The following CFAP107 variants were observed in gnomAD, a reference collection of about 807,000 sequenced individuals.
CFAP107 encodes cilia- and flagella-associated protein 107.
At chr1:12,748,507 C>T in the CFAP107 span, among the ~76,000 whole-genome samples, 1 of 145,342 alleles carries the variant, frequency 6.9e-6, no homozygotes, top group Non-Finnish European at 1.5e-5. Flanking sequence ...GCAAGATGTA[C>T]ACCAGAAAAG....
At chr1:12,759,249 C>T in the CFAP107 span, 2 of 1,578,190 alleles carry the variant, frequency 1.3e-6, no homozygotes, top group East Asian at 2.2e-5. Context: ...CCTGTCTCCA[C>T]CATGGCCAGG....
At chr1:12,751,843 T>G in the CFAP107 span, among the ~76,000 whole-genome samples, 1 of 152,202 alleles carries the variant, frequency 6.6e-6, no homozygotes, top group South Asian at 2.1e-4. Flanking sequence ...ACAATTGGAA[T>G]ATTTATATAA....
chr1:12,750,900 C>T, the CFAP107 span, among the ~76,000 whole-genome samples: 1 of 151,360 alleles, frequency 6.6e-6, no homozygotes, highest in Non-Finnish European at 1.5e-5. Flanking sequence ...ATATGTTAGA[C>T]TACAAAACAA....
the CFAP107 span, among the ~76,000 whole-genome samples, chr1:12,746,911 C>T: frequency 1.4e-4 from 22 of 152,048 alleles, no homozygotes; most frequent in East Asian, 3.9e-3. Flanking sequence ...TTCCTTTGTA[C>T]CTTAATTTGA....
the CFAP107 span, among the ~76,000 whole-genome samples, chr1:12,757,901 A>G: frequency 6.6e-6 from 1 of 151,924 alleles, no homozygotes. Context: ...CGTATCCCCA[A>G]CCGCCTCCTT....
chr1:12,749,057 T>G, the CFAP107 span, among the ~76,000 whole-genome samples: 1 of 151,990 alleles, frequency 6.6e-6, no homozygotes, highest in African/African-American at 2.4e-5. Context: ...ATACATGCAT[T>G]AAGGGAATTC....
the CFAP107 span, among the ~76,000 whole-genome samples, chr1:12,750,584 A>G: frequency 6.6e-6 from 1 of 152,212 alleles, no homozygotes; most frequent in East Asian, 1.9e-4. Flanking sequence ...TATGGCTAGT[A>G]TCAGACGAAG....
chr1:12,755,536 TC>T, the CFAP107 span, among the ~76,000 whole-genome samples: 2 of 152,172 alleles, frequency 1.3e-5, no homozygotes, highest in South Asian at 4.1e-4. Context: ...GATGGCAGGC[TC>T]CCCGTCCCCG....
At chr1:12,759,734 A>C in the CFAP107 span, 1 of 569,842 alleles carries the variant, frequency 1.8e-6, no homozygotes. Flanking sequence ...GCGGGCTTAG[A>C]GCACAGGTGG....
At chr1:12,759,745 C>T in the CFAP107 span, 1 of 553,070 alleles carries the variant, frequency 1.8e-6, no homozygotes, top group Non-Finnish European at 3.3e-6. Flanking sequence ...GCACAGGTGG[C>T]AGGGAGCAAC....
At chr1:12,746,487 G>A in the CFAP107 span, 1 of 1,613,812 alleles carries the variant, frequency 6.2e-7, no homozygotes, top group South Asian at 1.1e-5. Flanking sequence ...GGCAGATTGA[G>A]ACCAAGTATT....
the CFAP107 span, among the ~76,000 whole-genome samples, chr1:12,748,498 C>T: frequency 6.7e-6 from 1 of 148,888 alleles, no homozygotes; most frequent in African/African-American, 2.5e-5. Flanking sequence ...CAGGTCCAGG[C>T]AAGATGTACA....
At chr1:12,757,040 C>A in the CFAP107 span, among the ~76,000 whole-genome samples, 1 of 152,224 alleles carries the variant, frequency 6.6e-6, no homozygotes, top group Non-Finnish European at 1.5e-5. Context: ...TGCTCTGGGG[C>A]TGCTGAGCTT....
chr1:12,759,447 G>A, the CFAP107 span: 1 of 1,614,188 alleles, frequency 6.2e-7, no homozygotes, highest in South Asian at 1.1e-5. Context: ...ATGGACAGAA[G>A]TTGCTGTGGC....
the CFAP107 span, among the ~76,000 whole-genome samples, chr1:12,747,323 C>G: frequency 2.0e-5 from 3 of 152,272 alleles, no homozygotes; most frequent in African/African-American, 7.2e-5. Flanking sequence ...CCGACCTTGG[C>G]TTCCCCAAGT....
At chr1:12,750,513 A>C in the CFAP107 span, among the ~76,000 whole-genome samples, 2 of 152,198 alleles carry the variant, frequency 1.3e-5, no homozygotes, top group Non-Finnish European at 2.9e-5. Context: ...GTACACATGT[A>C]AGTTGAAAGT....
the CFAP107 span, among the ~76,000 whole-genome samples, chr1:12,749,356 A>AATC: frequency 4.6e-5 from 7 of 152,208 alleles, no homozygotes; most frequent in East Asian, 9.6e-4. Context: ...CTCATGCCTG[A>AATC]ATCTCAGCAC....
At chr1:12,746,207 A>G in the CFAP107 span, 2 of 385,588 alleles carry the variant, frequency 5.2e-6, no homozygotes, top group Admixed American at 3.5e-5. Context: ...GACAGTCAAC[A>G]GTAGAGAATC....
the CFAP107 span, among the ~76,000 whole-genome samples, chr1:12,751,353 G>A: frequency 0.076 from 11,639 of 152,166 alleles, 523 homozygotes; most frequent in African/African-American, 0.13. Context: ...GGGACCGGGC[G>A]CGGTGGCTCA....
Sources: allele counts gnomAD v4.1 joint callset (sites outside exome capture counted in the v4.1 genomes callset), GRCh38; gene constraint gnomAD v4.1.1; transcripts MANE v1.5; gene names NCBI Gene and HGNC (gene_info 2026-07-23, HGNC 2026-07-21).